The following GSE1 variants were observed in gnomAD, a reference collection of about 807,000 sequenced individuals.
GSE1 encodes the protein Gse1 coiled-coil protein.
In GSE1, 32 loss-of-function variants were observed where a neutral mutation model predicts 112.6. The observed-to-expected ratio is 0.28, with a 90% CI of 0.21 to 0.38. GSE1 has a LOEUF of 0.38. Ranked by LOEUF, GSE1 falls within the 10% of genes least tolerant of loss-of-function variation. GSE1 has a pLI of 1.00. For missense variants in GSE1, 2,348 were observed against 1,699.2 expected (o/e 1.38, Z -6.71); for synonymous variants, 1,115 against 735.6 (o/e 1.52, Z -8.35).
At chr16:85,423,450 A>G (rs1053550611) in intron 2 of GSE1, among the ~76,000 whole-genome samples, 1 of 152,076 alleles carries the variant, frequency 6.6e-6, no homozygotes, top group African/African-American at 2.4e-5. Context: ...TGCTGTTCCC[A>G]TCCAGCTGGT....
intron 2 of GSE1, among the ~76,000 whole-genome samples, chr16:85,401,515 G>C (rs1235567170): frequency 2.0e-5 from 3 of 152,198 alleles, no homozygotes; most frequent in African/African-American, 7.2e-5. Context: ...CAGGCACCAG[G>C]GGCCAGGAGA....
In GSE1 at chr16:85,622,474, G is replaced by A. The variant is rs1034310520; in HGVS notation, c.7+9076G>A. On this transcript the variant is annotated intron_variant, in intron 1 of 15. Transcript: ENST00000253458. ...CCACTTAGGGAACTCTGTGCTGTAG[G>A]AGTTTGTAGCCTGGGTTCATGGATG... Among the ~76,000 whole-genome samples the A allele has an allele frequency of 1.2e-4, 19 of 152,192 alleles. No individual in the cohort carries two copies. The East Asian group carries it at 3.7e-3, about 29-fold the overall frequency.
intron 1 of GSE1, among the ~76,000 whole-genome samples, chr16:85,597,678 C>T (rs1331430040): frequency 6.6e-6 from 1 of 152,132 alleles, no homozygotes; most frequent in Non-Finnish European, 1.5e-5. Flanking sequence ...GCCATGTTGC[C>T]TAGACTGGTC....
In GSE1 at chr16:85,603,719, C is replaced by G. The variant is rs147530653; in HGVS notation, c.38-44833C>G. 5.4e-3 allele frequency among the ~76,000 whole-genome samples: 829 copies of G among 152,238 alleles called. 7 individuals are homozygous for G. Among genetic ancestry groups the G allele is most frequent in the African/African-American group, 0.019 (776 of 41,534 alleles). Reference sequence around the variant, plus strand: ...ATGGAGTTTCACTATATTGCCTGAGCTGGTCTCCAACTCCAGGGCTCAAGC... The same window carrying G: ...ATGGAGTTTCACTATATTGCCTGAGGTGGTCTCCAACTCCAGGGCTCAAGC... On this transcript the variant is annotated intron_variant, in intron 1 of 2. Coordinates refer to the GSE1 transcript ENST00000635906.
chr16:85,303,935 C>T (rs1454424095), intron 1 of GSE1, among the ~76,000 whole-genome samples: 1 of 152,252 alleles, frequency 6.6e-6, no homozygotes, highest in Admixed American at 6.5e-5. Flanking sequence ...GGCTGCCGGC[C>T]TCCTGCCTCT....
intron 2 of GSE1, among the ~76,000 whole-genome samples, chr16:85,641,773 A>G (rs746122808): frequency 3.3e-5 from 5 of 152,242 alleles, no homozygotes; most frequent in Non-Finnish European, 7.3e-5. Context: ...GATTTCAAGG[A>G]AAGTGGCTGG....
intron 2 of GSE1, among the ~76,000 whole-genome samples, chr16:85,434,417 C>T (rs939634731): frequency 2.6e-5 from 4 of 152,034 alleles, no homozygotes; most frequent in African/African-American, 9.7e-5. Context: ...TTTATTTCCC[C>T]AGTAATCCAG....
At chr16:85,408,656 C>T (rs1305165214) in intron 2 of GSE1, among the ~76,000 whole-genome samples, 5 of 42,314 alleles carry the variant, frequency 1.2e-4, no homozygotes, top group African/African-American at 3.9e-4. Flanking sequence ...TAGGGCCCCC[C>T]GGATAATCCT....
chr16:85,626,651 G>T (rs902177693), intron 1 of GSE1, among the ~76,000 whole-genome samples: 1 of 152,210 alleles, frequency 6.6e-6, no homozygotes, highest in African/African-American at 2.4e-5. Context: ...TGCTTGAACC[G>T]GGACCCAGCA....
intron 2 of GSE1, among the ~76,000 whole-genome samples, chr16:85,525,852 T>C (rs1183899255): frequency 2.0e-5 from 3 of 152,164 alleles, no homozygotes; most frequent in Non-Finnish European, 4.4e-5. Flanking sequence ...GCCTGCCTAG[T>C]AGAGGGAGCA....
At chr16:85,394,221 C>A (rs964828361) in intron 2 of GSE1, among the ~76,000 whole-genome samples, 2 of 151,672 alleles carry the variant, frequency 1.3e-5, no homozygotes, top group Non-Finnish European at 2.9e-5. Context: ...AGCCGGGGGC[C>A]GGGGAGCGAG....
intron 13 of GSE1, among the ~76,000 whole-genome samples, chr16:85,667,223 C>A (rs1242719619): frequency 1.3e-5 from 2 of 152,264 alleles, no homozygotes; most frequent in Non-Finnish European, 2.9e-5. Context: ...GGCCCTAGGA[C>A]ACTTTCTGCC....
At chr16:85,522,277 C>G (rs2052211117) in intron 2 of GSE1, among the ~76,000 whole-genome samples, 1 of 152,152 alleles carries the variant, frequency 6.6e-6, no homozygotes, top group Non-Finnish European at 1.5e-5. Flanking sequence ...CTTCCCAAAG[C>G]CTGCCTGAGC....
intron 14 of GSE1, 100 bp downstream of exon 14, chr16:85,668,524 C>T: frequency 3.8e-6 from 3 of 794,868 alleles, no homozygotes; most frequent in East Asian, 2.6e-5. Flanking sequence ...AGCCTGGGGA[C>T]TGTTTCTCCG....
intron 1 of GSE1, among the ~76,000 whole-genome samples, chr16:85,618,998 C>G (rs111610716): frequency 6.6e-6 from 1 of 152,222 alleles, no homozygotes. Context: ...GGCTCTGTTC[C>G]CCTACGCTCA....
intron 2 of GSE1, among the ~76,000 whole-genome samples, chr16:85,432,418 G>A (rs1423592920): frequency 6.6e-6 from 1 of 152,224 alleles, no homozygotes; most frequent in Non-Finnish European, 1.5e-5. Flanking sequence ...GTGGGAAGAG[G>A]GAGAGAATGA....
At chr16:85,250,444 G>C (rs569831098) in intron 1 of GSE1, among the ~76,000 whole-genome samples, 1 of 152,250 alleles carries the variant, frequency 6.6e-6, no homozygotes, top group African/African-American at 2.4e-5. Flanking sequence ...GGTGAGCCCA[G>C]CTGGGGGCGG....
At chr16:85,220,122 C>T (rs1261321910) in intron 1 of GSE1, among the ~76,000 whole-genome samples, 2 of 152,250 alleles carry the variant, frequency 1.3e-5, no homozygotes, top group African/African-American at 4.8e-5. Context: ...GGCCCCTCAC[C>T]CTTTCTCAAG....
intron 1 of GSE1, among the ~76,000 whole-genome samples, chr16:85,576,974 A>G (rs999153536): frequency 1.3e-5 from 2 of 152,084 alleles, no homozygotes; most frequent in African/African-American, 4.8e-5. Flanking sequence ...TGGGGGCTTT[A>G]GGTGACCCTG....
Sources: gnomAD v4.1 joint callset for allele counts (sites outside exome capture counted in the v4.1 genomes callset) on GRCh38, gnomAD v4.1.1 for gene constraint, MANE v1.5 for transcripts, NCBI Gene and HGNC (gene_info 2026-07-23, HGNC 2026-07-21) for gene names.